Variants in MRTFB observed in about 807,000 individuals in gnomAD.
MRTFB encodes myocardin related transcription factor B, also known as myocardin-related transcription factor B.
In MRTFB, 29 loss-of-function variants were observed where a neutral mutation model predicts 104.2. That is an observed-to-expected ratio of 0.28 (90% CI 0.21 to 0.38). The LOEUF (loss-of-function observed/expected upper bound fraction) is 0.38, where lower values mean the gene tolerates loss of function less well. Among genes scored for constraint, MRTFB ranks in the 10% least tolerant of loss-of-function variants. MRTFB has a pLI of 1.00. For missense variants in MRTFB, 1,270 were observed against 1,341.6 expected, an observed-to-expected ratio of 0.95 and a Z score of 0.83; for synonymous variants, 535 against 519.5, an observed-to-expected ratio of 1.03 and a Z score of -0.41.
chr16:14,076,669 G>T (rs1352000636), intron 1 of MRTFB, among the ~76,000 whole-genome samples: 1 of 152,192 alleles, frequency 6.6e-6, no homozygotes, highest in Non-Finnish European at 1.5e-5. Flanking sequence ...TACATTCCTA[G>T]AGGTGGGATT....
the MRTFB span, among the ~76,000 whole-genome samples, chr16:14,017,667 T>TTGTGTGTG: frequency 0.046 from 2,272 of 49,242 alleles, 286 homozygotes; most frequent in African/African-American, 0.054. Context: ...GTGTGTGTAT[T>TTGTGTGTG]TGTGTGTGTG....
intron 3 of MRTFB, among the ~76,000 whole-genome samples, chr16:14,188,511 A>G (rs2040041366): frequency 6.6e-6 from 1 of 152,226 alleles, no homozygotes; most frequent in South Asian, 2.1e-4. Context: ...AGAATCATCA[A>G]CAGGAACCAC....
intron 3 of MRTFB, chr16:14,186,932 G>A: frequency 6.3e-7 from 1 of 1,598,266 alleles, no homozygotes; most frequent in Non-Finnish European, 8.5e-7. Flanking sequence ...ATAGCTCCAA[G>A]AAGCAGCAAC....
chr16:14,180,450 T>C (rs912170201), intron 3 of MRTFB, among the ~76,000 whole-genome samples: 2 of 152,270 alleles, frequency 1.3e-5, no homozygotes, highest in African/African-American at 4.8e-5. Context: ...CTATAAAGCT[T>C]AGAAATGGAG....
At chr16:14,234,105 A>G in intron 8 of MRTFB, 41 bp from the exon 9 acceptor site, 1 of 1,593,028 alleles carries the variant, frequency 6.3e-7, no homozygotes, top group Non-Finnish European at 8.6e-7. Context: ...TTTTATGATC[A>G]TTAATTTCAC....
the MRTFB span, among the ~76,000 whole-genome samples, chr16:14,053,661 G>C: frequency 4.6e-5 from 7 of 151,374 alleles, no homozygotes; most frequent in African/African-American, 1.5e-4. Context: ...AAAGCGGGAG[G>C]CAGAGTTGCA....
intron 3 of MRTFB, among the ~76,000 whole-genome samples, chr16:14,160,469 T>C (rs2142893469): frequency 6.6e-6 from 1 of 152,336 alleles, no homozygotes; most frequent in Non-Finnish European, 1.5e-5. Context: ...CATTACCCTG[T>C]TCCTACTATT....
chr16:14,051,106 A>G, the MRTFB span, among the ~76,000 whole-genome samples: 1 of 151,980 alleles, frequency 6.6e-6, no homozygotes, highest in Non-Finnish European at 1.5e-5. Flanking sequence ...ACACACACAA[A>G]CTCACAAACA....
chr16:14,009,480 C>T, the MRTFB span: 1 of 152,188 alleles, frequency 6.6e-6, no homozygotes, highest in African/African-American at 2.4e-5. Context: ...TTATTTCTTC[C>T]TTTCCAATCT....
the MRTFB span, among the ~76,000 whole-genome samples, chr16:14,037,609 T>C: frequency 7.5e-4 from 114 of 152,286 alleles, no homozygotes; most frequent in African/African-American, 2.4e-3. Context: ...CTCATGGCTG[T>C]GGTCATTGTT....
chr16:14,224,210 C>T (rs961338071), intron 8 of MRTFB, among the ~76,000 whole-genome samples: 1 of 152,132 alleles, frequency 6.6e-6, no homozygotes, highest in Admixed American at 6.5e-5. Context: ...CCACCAGGCC[C>T]CTCTTCCAAC....
the MRTFB span, among the ~76,000 whole-genome samples, chr16:14,002,468 A>C: frequency 6.8e-6 from 1 of 147,412 alleles, no homozygotes; most frequent in Non-Finnish European, 1.5e-5. Flanking sequence ...GATGAAATTA[A>C]AACAACTGAA....
At position 14,246,764 on chromosome 16, in the gene MRTFB, C is replaced by G. The variant is rs746824948; in HGVS notation, c.1504C>G (p.Pro502Ala). ...AACCCGTGTGGAAAATGTTCATTCC[C>G]CTCTGCCCATTTCACCATCTCCCTC... Reference protein sequence around the residue: ...NATRVENVHSPLPISPSPSEQ... With the variant: ...NATRVENVHSALPISPSPSEQ... The change falls in exon 12 of 17, where the codon CCT (proline) becomes GCT (alanine). Residue 502 changes from proline (P) to alanine (A), a missense_variant. Physicochemically the swap from Pro to Ala is conservative, Grantham distance 27 (BLOSUM62 -1). Around this residue, in one of 3 missense-constraint regions of MRTFB, gnomAD observed 1,144 missense variants for 1,131.5 expected, o/e 1.01. Transcript: ENST00000571589. The G allele has an allele frequency of 1.2e-6, 2 of 1,614,120 alleles. No homozygotes were observed. Among genetic ancestry groups the G allele is most frequent in the South Asian group, 2.2e-5 (2 of 91,082 alleles).
chr16:14,194,836 CA>C (rs2040358360), intron 3 of MRTFB, among the ~76,000 whole-genome samples: 1 of 151,652 alleles, frequency 6.6e-6, no homozygotes, highest in South Asian at 2.1e-4. Context: ...TGGTACCCGC[CA>C]TGTAGGGTTG....
At chr16:14,013,754 C>G in the MRTFB span, among the ~76,000 whole-genome samples, 1 of 152,188 alleles carries the variant, frequency 6.6e-6, no homozygotes, top group Non-Finnish European at 1.5e-5. Context: ...GAGCAGGTCT[C>G]TGTAGTGTCC....
At chr16:14,002,966 C>CTCT in the MRTFB span, among the ~76,000 whole-genome samples, 2 of 151,770 alleles carry the variant, frequency 1.3e-5, no homozygotes, top group Non-Finnish European at 2.9e-5. Context: ...ACACCTTTCT[C>CTCT]TCTAGATGTT....
intron 2 of MRTFB, among the ~76,000 whole-genome samples, chr16:14,119,368 T>C (rs180799262): frequency 6.6e-6 from 1 of 152,356 alleles, no homozygotes. Flanking sequence ...AGTTTGTTTA[T>C]GTATTTAGTT....
At chr16:14,087,692 C>G (rs1286974454) in intron 2 of MRTFB, among the ~76,000 whole-genome samples, 2 of 152,188 alleles carry the variant, frequency 1.3e-5, no homozygotes, top group Admixed American at 6.5e-5. Flanking sequence ...GTTCTTCAGT[C>G]TGATTGTTCT....
At chr16:14,225,688 T>A (rs771805242) in intron 8 of MRTFB, among the ~76,000 whole-genome samples, 5 of 150,054 alleles carry the variant, frequency 3.3e-5, no homozygotes, top group Non-Finnish European at 7.5e-5. Flanking sequence ...ATTCATTCAT[T>A]CATTCATGCC....
Sources: allele counts gnomAD v4.1 joint callset (sites outside exome capture counted in the v4.1 genomes callset), GRCh38; gene constraint gnomAD v4.1.1; regional missense constraint gnomAD v4.1.1; transcripts MANE v1.5; gene names NCBI Gene and HGNC (gene_info 2026-07-23, HGNC 2026-07-21).